Variants in SLC44A5 observed in about 807,000 individuals in gnomAD.
The protein encoded by SLC44A5 is solute carrier family 44 member 5.
A neutral mutation model predicts 101.8 loss-of-function variants in SLC44A5; 57 were observed. The ratio of observed to expected loss-of-function variants is 0.56; its 90% confidence interval spans 0.45 to 0.70. SLC44A5 has a LOEUF of 0.70. Ranked by LOEUF, SLC44A5 falls within the 30% of genes least tolerant of loss-of-function variation. The pLI is 0.00. For synonymous variants in SLC44A5, 281 were observed against 290.9 expected (o/e 0.97, Z 0.35); for missense variants, 737 against 853.1 (o/e 0.86, Z 1.70).
the SLC44A5 span, among the ~76,000 whole-genome samples, chr1:75,616,864 T>C: frequency 2.0e-5 from 3 of 152,094 alleles, no homozygotes; most frequent in Non-Finnish European, 2.9e-5. Context: ...CGCTCTCAGA[T>C]GTTGGAGGAA....
At chr1:75,421,270 G>GACT (rs1663986194) in intron 2 of SLC44A5, among the ~76,000 whole-genome samples, 1 of 151,860 alleles carries the variant, frequency 6.6e-6, no homozygotes, top group Non-Finnish European at 1.5e-5. Flanking sequence ...GCCAATCTAG[G>GACT]ACTAGGAACC....
At chr1:75,557,480 C>T (rs530245515) in intron 1 of SLC44A5, among the ~76,000 whole-genome samples, 2 of 152,258 alleles carry the variant, frequency 1.3e-5, no homozygotes, top group Admixed American at 1.3e-4. Context: ...TCTGTCTCTT[C>T]TGTGGCCTTG....
intron 4 of SLC44A5, among the ~76,000 whole-genome samples, chr1:75,330,102 T>TAC (rs1261179953): frequency 4.2e-5 from 6 of 142,412 alleles, no homozygotes; most frequent in African/African-American, 1.7e-4. Flanking sequence ...GAAATATATA[T>TAC]ATATACACAC....
At chr1:75,303,887 T>A (rs1424921235) in intron 4 of SLC44A5, among the ~76,000 whole-genome samples, 1 of 152,116 alleles carries the variant, frequency 6.6e-6, no homozygotes, top group Non-Finnish European at 1.5e-5. Flanking sequence ...CACACCAACA[T>A]GGCGCATGTA....
the SLC44A5 span, among the ~76,000 whole-genome samples, chr1:75,618,862 G>A: frequency 1.2e-4 from 18 of 152,032 alleles, no homozygotes; most frequent in African/African-American, 3.9e-4. Context: ...CTGTGGTCAG[G>A]AGTTCACGAC....
the SLC44A5 span, among the ~76,000 whole-genome samples, chr1:75,667,346 A>G: frequency 6.6e-6 from 1 of 152,172 alleles, no homozygotes; most frequent in Non-Finnish European, 1.5e-5. Context: ...AAGAGAATAA[A>G]ATACCTAGGA....
chr1:75,555,610 A>G (rs376326223), intron 1 of SLC44A5, among the ~76,000 whole-genome samples: 7 of 146,478 alleles, frequency 4.8e-5, no homozygotes, highest in African/African-American at 1.8e-4. Flanking sequence ...TAGGGGCTGG[A>G]AGAGCAAGGA....
the SLC44A5 span, among the ~76,000 whole-genome samples, chr1:75,678,430 GCCT>G: frequency 2.0e-5 from 3 of 152,120 alleles, no homozygotes; most frequent in Non-Finnish European, 2.9e-5. Flanking sequence ...CGGGCAGATT[GCCT>G]CCTCAAGTGG....
Position 75,306,733 on chromosome 1 carries a change from C to CTTTTTTTTTTTTT in SLC44A5, c.102-6061_102-6049dup. On this transcript the variant is annotated intron_variant, in intron 4 of 23. Coordinates refer to ENST00000370859, the MANE Select transcript of SLC44A5 (RefSeq NM_001130058.2). The stretch of plus-strand genomic sequence containing the variant: ...ACTGATTCATTTACTGGTTTCCTTT[C>CTTTTTTTTTTTTT]TTTTTTTTTTTTTTTTTTTGAGACG... Among the ~76,000 whole-genome samples, 450 of 102,574 alleles carry CTTTTTTTTTTTTT rather than the reference C, an allele frequency of 4.4e-3. 37 individuals carry two copies. The highest frequency in any genetic ancestry group is 0.017 in the African/African-American group (399 of 23,550). The allele number at this position is 102,574 out of a possible 152,430, so 67.3% of individuals were successfully genotyped here.
chr1:75,235,572 C>A (rs1266200584), intron 11 of SLC44A5, among the ~76,000 whole-genome samples: 2 of 151,972 alleles, frequency 1.3e-5, no homozygotes, highest in African/African-American at 4.8e-5. Context: ...TAAATCCTAA[C>A]ATACTAACAG....
At chr1:75,351,846 CAAAAAAAA>C (rs71071942) in intron 3 of SLC44A5, among the ~76,000 whole-genome samples, 3 of 28,402 alleles carry the variant, frequency 1.1e-4, no homozygotes, top group Non-Finnish European at 1.8e-4. Context: ...CACACTTTAC[CAAAAAAAA>C]AAAAAAAAAA....
At chr1:75,598,079 T>C (rs1237399276) in intron 1 of SLC44A5, among the ~76,000 whole-genome samples, 4 of 151,194 alleles carry the variant, frequency 2.6e-5, no homozygotes, top group Non-Finnish European at 5.9e-5. Flanking sequence ...ATAAGGAACT[T>C]AAACAAATGT....
At chr1:75,494,472 A>T (rs1481919010) in intron 2 of SLC44A5, among the ~76,000 whole-genome samples, 1 of 152,148 alleles carries the variant, frequency 6.6e-6, no homozygotes, top group African/African-American at 2.4e-5. Flanking sequence ...CATCAAAGTC[A>T]CTGGCTCCTG....
chr1:75,318,601 T>C (rs1286057877), intron 4 of SLC44A5, among the ~76,000 whole-genome samples: 2 of 152,146 alleles, frequency 1.3e-5, no homozygotes, highest in African/African-American at 4.8e-5. Context: ...AACTTGAGGA[T>C]TCATGTCCTT....
chr1:75,326,240 C>A (rs1334199980), intron 4 of SLC44A5, among the ~76,000 whole-genome samples: 1 of 148,474 alleles, frequency 6.7e-6, no homozygotes, highest in Non-Finnish European at 1.5e-5. Flanking sequence ...TGAATTAAGA[C>A]ACCTTGCTTC....
chr1:75,626,591 T>C, the SLC44A5 span, among the ~76,000 whole-genome samples: 1 of 152,178 alleles, frequency 6.6e-6, no homozygotes, highest in Non-Finnish European at 1.5e-5. Context: ...TTCTATTTGC[T>C]TTCTTTTCCA....
At chr1:75,719,982 G>GT in the SLC44A5 span, among the ~76,000 whole-genome samples, 43 of 152,318 alleles carry the variant, frequency 2.8e-4, no homozygotes, top group African/African-American at 1.0e-3. Flanking sequence ...AATCCACCAT[G>GT]TGGACTTCCC....
the SLC44A5 span, among the ~76,000 whole-genome samples, chr1:75,718,463 T>C: frequency 2.0e-5 from 3 of 152,158 alleles, no homozygotes; most frequent in Non-Finnish European, 2.9e-5. Context: ...GAATGGGACA[T>C]TAACAGAAGC....
At chr1:75,610,445 C>A (rs1675591710) in intron 1 of SLC44A5, among the ~76,000 whole-genome samples, 1 of 151,880 alleles carries the variant, frequency 6.6e-6, no homozygotes, top group Non-Finnish European at 1.5e-5. Flanking sequence ...TCTGTATGAA[C>A]CTCTGCTTCA....
Sources: gnomAD v4.1 joint callset for allele counts (sites outside exome capture counted in the v4.1 genomes callset) on GRCh38, gnomAD v4.1.1 for gene constraint, MANE v1.5 for transcripts, NCBI Gene and HGNC (gene_info 2026-07-23, HGNC 2026-07-21) for gene names.